Variants in ZNF680 observed in about 807,000 individuals in gnomAD.
ZNF680 encodes the protein hypothetical protein FLJ90430.
ZNF680 carries 6 observed loss-of-function variants against 12.1 expected under a neutral mutation model. The ratio of observed to expected loss-of-function variants is 0.49; its 90% CI spans 0.27 to 0.98. The LOEUF (loss-of-function observed/expected upper bound fraction) is 0.98. Ranked by LOEUF, ZNF680 falls within the 50% of genes least tolerant of loss-of-function variation. The pLI is 0.12. For synonymous variants in ZNF680, 170 were observed against 199.3 expected (o/e 0.85, Z 1.24); for missense variants, 561 against 616.3 (o/e 0.91, Z 0.95).
At chr7:64,557,565 AAAAACAAAAAAAAAC>A (rs1352698068) in intron 1 of ZNF680, among the ~76,000 whole-genome samples, 4 of 62,628 alleles carry the variant, frequency 6.4e-5, no homozygotes, top group Admixed American at 3.3e-4. Context: ...AAAAAAACAA[AAAAACAAAAAAAAAC>A]AAAACAAAAA....
At chr7:64,507,868 CACACACACACAT>C in the ZNF680 span, among the ~76,000 whole-genome samples, 37 of 61,874 alleles carry the variant, frequency 6.0e-4, no homozygotes, top group Middle Eastern at 7.8e-3. Flanking sequence ...CACACACACA[CACACACACACAT>C]TTTTTTATTT....
chr7:64,516,758 A>G (rs950931125), downstream of ZNF680, among the ~76,000 whole-genome samples: 2 of 152,220 alleles, frequency 1.3e-5, no homozygotes, highest in East Asian at 3.8e-4. Flanking sequence ...AATTGAAATG[A>G]TATCAAGTAC....
At chr7:64,519,624 T>C (rs1440172999), downstream of ZNF680, among the ~76,000 whole-genome samples, 1 of 151,880 alleles carries the variant, frequency 6.6e-6, no homozygotes, top group East Asian at 1.9e-4. Flanking sequence ...AGTCAGGTAA[T>C]GTGATGCCTC....
the ZNF680 span, among the ~76,000 whole-genome samples, chr7:64,503,888 C>G: frequency 6.6e-6 from 1 of 152,080 alleles, no homozygotes; most frequent in African/African-American, 2.4e-5. Flanking sequence ...GGCAGGACAG[C>G]CACTTCCTAG....
chr7:64,559,214 G>A (rs6962076), intron 1 of ZNF680, among the ~76,000 whole-genome samples: 44,677 of 151,992 alleles, frequency 0.29, 6,993 homozygotes, highest in South Asian at 0.34. Flanking sequence ...CTTTACTTTT[G>A]GCATAGTGAG....
chr7:64,532,857 G>A (rs1264480883), intron 3 of ZNF680, among the ~76,000 whole-genome samples: 1 of 152,164 alleles, frequency 6.6e-6, no homozygotes, highest in African/African-American at 2.4e-5. Context: ...CAGGGATGCA[G>A]AGATGGTTTA....
Position 64,555,345 on chromosome 7 carries a change from C to CAAA in ZNF680, c.30+7577_30+7579dup, listed in dbSNP as rs34359779. On this transcript the variant is annotated intron_variant, in intron 1 of 3. Coordinates refer to ENST00000309683, the MANE Select transcript of ZNF680 (RefSeq NM_178558.5). Reference sequence around the variant, plus strand: ...GCTTGATAAAAATATAATTCAATACCAAAAAAAAAAACACTTGAAGTGATA... The same window carrying CAAA: ...GCTTGATAAAAATATAATTCAATACCAAAAAAAAAAAAAACACTTGAAGTGATA... Among the ~76,000 whole-genome samples the CAAA allele has an allele frequency of 2.8e-4, 42 of 147,720 alleles. No homozygotes were observed. In the East Asian group the frequency reaches 7.7e-3, roughly 27 times the overall value.
At chr7:64,507,240 T>A in the ZNF680 span, among the ~76,000 whole-genome samples, 1 of 152,140 alleles carries the variant, frequency 6.6e-6, no homozygotes. Flanking sequence ...TAATAAAGTT[T>A]AACTCAAAAA....
At chr7:64,558,936 G>A (rs1298990556) in intron 1 of ZNF680, among the ~76,000 whole-genome samples, 2 of 152,038 alleles carry the variant, frequency 1.3e-5, no homozygotes, top group African/African-American at 2.4e-5. Flanking sequence ...AAGAGCAAGT[G>A]GGAGGGGAAG....
At chr7:64,536,962 C>G (rs1020626912) in intron 3 of ZNF680, among the ~76,000 whole-genome samples, 1 of 151,930 alleles carries the variant, frequency 6.6e-6, no homozygotes, top group Admixed American at 6.6e-5. Context: ...TTCAGCTACA[C>G]GGGGAGCTGA....
At position 64,521,388 on chromosome 7, in the gene ZNF680, G is replaced by A; in HGVS notation, c.1366C>T (p.His456Tyr). 2 of 1,613,588 alleles carry A rather than the reference G, an allele frequency of 1.2e-6. No homozygotes were observed. The highest frequency in any genetic ancestry group is 1.7e-6 in the Non-Finnish European group (2 of 1,179,676). ...FSTLTNHKVI[H>Y]TGEKSYKCDE... Reference sequence around the variant, plus strand: ...CATTTGTAGGATTTCTCTCCAGTATGAATTACTTTATGGTTAGTAAGGGTT... The same window carrying A: ...CATTTGTAGGATTTCTCTCCAGTATAAATTACTTTATGGTTAGTAAGGGTT... Residue 456 changes from histidine to tyrosine, a missense_variant, in exon 4 of 4, where the codon CAT becomes TAT. By Grantham distance (83) the His-to-Tyr change is moderately conservative. Coordinates refer to ENST00000309683, the MANE Select transcript of ZNF680 (RefSeq NM_178558.5).
At chr7:64,551,437 C>G (rs745675019) in intron 1 of ZNF680, 1 of 152,666 alleles carries the variant, frequency 6.6e-6, no homozygotes, top group South Asian at 2.1e-4. Flanking sequence ...ACAGGGTGAA[C>G]AGCCAGGAGG....
chr7:64,547,186 A>G (rs1052741764), intron 1 of ZNF680, among the ~76,000 whole-genome samples: 1 of 152,134 alleles, frequency 6.6e-6, no homozygotes, highest in African/African-American at 2.4e-5. Flanking sequence ...GCAGGTTTGG[A>G]AAGGGTCCAT....
chr7:64,559,388 C>T (rs1787599727), intron 1 of ZNF680, among the ~76,000 whole-genome samples: 1 of 152,018 alleles, frequency 6.6e-6, no homozygotes, highest in Non-Finnish European at 1.5e-5. Context: ...CAGAAACAGG[C>T]CGAGGCAGAC....
In ZNF680 at chr7:64,538,848, C is replaced by T. The variant is rs1244671402; in HGVS notation, c.253+4859G>A. ...TACCAGCATCACAAAAGCCAAAACGCGGCCAGGCACAGTGGCTCACACCTG... is the reference window on the plus strand; with the variant it reads ...TACCAGCATCACAAAAGCCAAAACGTGGCCAGGCACAGTGGCTCACACCTG... On this transcript the variant is annotated intron_variant, in intron 3 of 3. Coordinates refer to ENST00000309683, the MANE Select transcript of ZNF680 (RefSeq NM_178558.5). Among the ~76,000 whole-genome samples the T allele has an allele frequency of 3.3e-5, 5 of 152,190 alleles. No individual in the cohort carries two copies. In the East Asian group the frequency reaches 5.8e-4, roughly 18 times the overall value.
intron 1 of ZNF680, among the ~76,000 whole-genome samples, chr7:64,557,068 G>A (rs889499000): frequency 2.6e-5 from 4 of 152,128 alleles, no homozygotes; most frequent in Admixed American, 2.6e-4. Flanking sequence ...GGCAAACATG[G>A]TAAAACCCCG....
chr7:64,511,519 A>T, the ZNF680 span, among the ~76,000 whole-genome samples: 1 of 152,066 alleles, frequency 6.6e-6, no homozygotes, highest in Non-Finnish European at 1.5e-5. Flanking sequence ...CCTCTAAAAA[A>T]TAGTCTCTGG....
chr7:64,535,869 G>A (rs1006221860), intron 3 of ZNF680, among the ~76,000 whole-genome samples: 4 of 151,938 alleles, frequency 2.6e-5, no homozygotes, highest in East Asian at 1.9e-4. Context: ...GCTTGAACTC[G>A]GGAGGCAGAG....
chr7:64,561,934 C>CAAAAAAA (rs1187872173), intron 1 of ZNF680, among the ~76,000 whole-genome samples: 6 of 80,334 alleles, frequency 7.5e-5, no homozygotes, highest in East Asian at 5.5e-4. Context: ...GACTCCGTCT[C>CAAAAAAA]AAAAAAAAAA....
Sources: allele counts gnomAD v4.1 joint callset (sites outside exome capture counted in the v4.1 genomes callset), GRCh38; gene constraint gnomAD v4.1.1; transcripts MANE v1.5; gene names NCBI Gene and HGNC (gene_info 2026-07-23, HGNC 2026-07-21).